The following CCNI variants were observed in gnomAD, a reference collection of about 807,000 sequenced individuals.
The protein encoded by CCNI is cyclin-I.
CCNI carries 14 observed loss-of-function variants against 34.1 expected under a neutral mutation model. The ratio of observed to expected loss-of-function variants is 0.41; its 90% confidence interval spans 0.27 to 0.64. CCNI has a LOEUF of 0.64. Among genes scored for constraint, CCNI ranks in the 30% least tolerant of loss-of-function variants. CCNI has a pLI of 0.31. For synonymous variants in CCNI, 154 were observed against 158.4 expected (o/e 0.97, Z 0.21); for missense variants, 385 against 440.5 (o/e 0.87, Z 1.13).
intron 1 of CCNI, among the ~76,000 whole-genome samples, chr4:77,067,169 T>C (rs1320225240): frequency 1.3e-5 from 2 of 151,766 alleles, no homozygotes; most frequent in Admixed American, 1.3e-4. Context: ...GAGGCAGAGG[T>C]TGCAGTGAGC....
intron 6 of CCNI, among the ~76,000 whole-genome samples, chr4:77,050,536 T>C (rs534613700): frequency 6.6e-6 from 1 of 152,314 alleles, no homozygotes. Flanking sequence ...GTCAGAAATA[T>C]ACAAGAAAAT....
At chr4:77,075,377 C>A (rs1227699123) in intron 1 of CCNI, 95 bp downstream of exon 1, 2 of 385,790 alleles carry the variant, frequency 5.2e-6, no homozygotes, top group Non-Finnish European at 7.1e-6. Context: ...AAGGGCGCTG[C>A]CACGGGGGCG....
chr4:77,064,722 C>T (rs1282276458), intron 2 of CCNI: 1 of 147,118 alleles, frequency 6.8e-6, no homozygotes, highest in Non-Finnish European at 1.5e-5. Flanking sequence ...CCCTGTCGTT[C>T]AGGCTGGAGT....
intron 2 of CCNI, among the ~76,000 whole-genome samples, chr4:77,065,596 A>G (rs1483798753): frequency 1.3e-5 from 2 of 152,236 alleles, no homozygotes; most frequent in Non-Finnish European, 2.9e-5. Context: ...TTGACTAAAG[A>G]CAATGGTATG....
At chr4:77,075,131 A>G (rs1256342131) in intron 1 of CCNI, 4 of 152,112 alleles carry the variant, frequency 2.6e-5, no homozygotes, top group African/African-American at 9.7e-5. Context: ...TTCTTTGTGT[A>G]TTAACACGGG....
intron 3 of CCNI, among the ~76,000 whole-genome samples, chr4:77,056,746 G>A (rs1392871696): frequency 2.6e-5 from 4 of 151,776 alleles, no homozygotes; most frequent in Admixed American, 1.3e-4. Context: ...CCGCCACCAC[G>A]CCCAGCTAAT....
intron 2 of CCNI, among the ~76,000 whole-genome samples, chr4:77,059,477 A>G (rs1397364260): frequency 1.3e-5 from 2 of 151,940 alleles, no homozygotes; most frequent in Admixed American, 1.3e-4. Context: ...GATTAAAACA[A>G]CAATGTTTTG....
chr4:77,057,326 T>C (rs748243996), intron 3 of CCNI, among the ~76,000 whole-genome samples: 6 of 152,228 alleles, frequency 3.9e-5, no homozygotes, highest in Non-Finnish European at 5.9e-5. Flanking sequence ...TATTAAACAT[T>C]TGAAACAAAG....
chr4:77,075,531 G>A lies in CCNI; in HGVS notation c.-103C>T. On this transcript the variant is annotated 5_prime_UTR_variant, in exon 1 of 7. Coordinates refer to ENST00000237654, the MANE Select transcript of CCNI (RefSeq NM_006835.3). ...GCAGAGCTGTAGGCCTCACAGTGGT[G>A]ACGCGGGGTCATCCGGGGGCCCGTT... The A allele has an allele frequency of 1.0e-6, 1 of 988,558 alleles. No homozygotes were observed. Among genetic ancestry groups the A allele is most frequent in the Non-Finnish European group, 1.2e-6 (1 of 830,692 alleles). The allele number at this position is 988,558 out of a possible 1,614,324, so 61.2% of individuals were successfully genotyped here.
intron 6 of CCNI, among the ~76,000 whole-genome samples, chr4:77,049,375 T>C (rs994905221): frequency 1.3e-5 from 2 of 152,118 alleles, no homozygotes; most frequent in Non-Finnish European, 2.9e-5. Context: ...TGTTTCTATA[T>C]CAACCTTTTA....
At chr4:77,050,867 A>T (rs1265878401) in intron 6 of CCNI, among the ~76,000 whole-genome samples, 2 of 151,632 alleles carry the variant, frequency 1.3e-5, no homozygotes, top group African/African-American at 4.8e-5. Context: ...AGAAACTGGG[A>T]GTAAAAAAGG....
chr4:77,060,619 C>T (rs901859386), intron 2 of CCNI, among the ~76,000 whole-genome samples: 1 of 149,832 alleles, frequency 6.7e-6, no homozygotes, highest in Non-Finnish European at 1.5e-5. Flanking sequence ...CCACCAGGCC[C>T]GGCTAATTTT....
At chr4:77,056,699 C>T (rs563678554) in intron 3 of CCNI, among the ~76,000 whole-genome samples, 20 of 151,466 alleles carry the variant, frequency 1.3e-4, no homozygotes, top group African/African-American at 3.6e-4. Flanking sequence ...ATGCCATTCT[C>T]CTGCCTCAGC....
intron 6 of CCNI, 74 bp downstream of exon 6, chr4:77,055,076 T>C: frequency 1.1e-6 from 1 of 911,256 alleles, no homozygotes; most frequent in Non-Finnish European, 1.7e-6. Context: ...AAATGTCTTT[T>C]AGTTTGGTAA....
chr4:77,048,086 ATT>A lies in CCNI; in HGVS notation c.*131_*132del. 2 of 522,138 alleles carry A rather than the reference ATT, an allele frequency of 3.8e-6. No individual in the cohort carries two copies. Among genetic ancestry groups the A allele is most frequent in the Non-Finnish European group, 6.6e-6 (2 of 304,374 alleles). The allele number at this position is 522,138 out of a possible 1,614,324, so 32.3% of individuals were successfully genotyped here. A position where few individuals can be genotyped will look rare whatever the true frequency, so the allele number is the denominator to read the frequency against. ...TAGCCACACAAATAATGAGAGTTTT[ATT>A]TTTTTTTTCTGGCTCACTCCAAATC... On this transcript the variant is annotated 3_prime_UTR_variant, in exon 7 of 7. Transcript: ENST00000237654.
chr4:77,048,060 T>A lies in CCNI; in HGVS notation c.*159A>T. ...GTGCTTAAATAACGCTGAATTATAA[T>A]TAGCCACACAAATAATGAGAGTTTT... is the stretch of plus-strand genomic sequence containing the variant. On this transcript the variant is annotated 3_prime_UTR_variant, in exon 7 of 7. Coordinates refer to ENST00000237654, the MANE Select transcript of CCNI (RefSeq NM_006835.3). The A allele has an allele frequency of 1.9e-6, 1 of 523,708 alleles. No individual in the cohort carries two copies. The allele number at this position is 523,708 out of a possible 1,614,324, so 32.4% of individuals were successfully genotyped here.
At chr4:77,062,846 A>C (rs1046330225) in intron 2 of CCNI, among the ~76,000 whole-genome samples, 1 of 152,246 alleles carries the variant, frequency 6.6e-6, no homozygotes, top group Non-Finnish European at 1.5e-5. Context: ...CAAAATTATC[A>C]TGAACTTGAA....
chr4:77,049,458 G>A (rs561687835), intron 6 of CCNI, among the ~76,000 whole-genome samples: 31 of 152,154 alleles, frequency 2.0e-4, no homozygotes, highest in East Asian at 1.7e-3. Flanking sequence ...CAGGTGGATC[G>A]CTTGAAGCCA....
intron 6 of CCNI, among the ~76,000 whole-genome samples, chr4:77,052,395 TAG>T (rs1057401589): frequency 5.9e-5 from 9 of 152,148 alleles, no homozygotes; most frequent in African/African-American, 2.2e-4. Context: ...CTAATCTAGG[TAG>T]AGTTAACAGC....
Sources: gnomAD v4.1 joint callset for allele counts (sites outside exome capture counted in the v4.1 genomes callset) on GRCh38, gnomAD v4.1.1 for gene constraint, MANE v1.5 for transcripts, NCBI Gene and HGNC (gene_info 2026-07-23, HGNC 2026-07-21) for gene names.